Variants in LAMA2 observed in about 807,000 individuals in gnomAD.
LAMA2 encodes the protein laminin subunit alpha-2.
LAMA2 carries 269 observed loss-of-function variants against 364.8 expected under a neutral mutation model. The ratio of observed to expected loss-of-function variants is 0.74; its 90% CI spans 0.67 to 0.82. The LOEUF is 0.82. LAMA2 is among the 40% of genes least tolerant of loss of function. The pLI is 0.00. For synonymous variants in LAMA2, 1,379 were observed against 1,370.6 expected (o/e 1.01, Z -0.14); for missense variants, 3,807 against 3,873.2 (o/e 0.98, Z 0.45).
At chr6:129,107,556 T>G (rs918905756) in intron 4 of LAMA2, among the ~76,000 whole-genome samples, 9 of 152,068 alleles carry the variant, frequency 5.9e-5, no homozygotes, top group Admixed American at 2.6e-4. Flanking sequence ...AGGGTCTCAG[T>G]GCTAATGTAG....
At chr6:129,480,965 CAA>C (rs1784316425) in intron 54 of LAMA2, among the ~76,000 whole-genome samples, 1 of 129,418 alleles carries the variant, frequency 7.7e-6, no homozygotes, top group Non-Finnish European at 1.6e-5. Context: ...TAAACAACAA[CAA>C]CAAAAAAAGG....
intron 15 of LAMA2, among the ~76,000 whole-genome samples, chr6:129,264,616 C>T (rs1028454413): frequency 6.6e-6 from 1 of 152,040 alleles, no homozygotes; most frequent in Non-Finnish European, 1.5e-5. Context: ...CCAGCCCAAG[C>T]CCTGAGGAGC....
intron 17 of LAMA2, among the ~76,000 whole-genome samples, chr6:129,272,838 T>C (rs889056441): frequency 1.1e-4 from 16 of 152,140 alleles, no homozygotes; most frequent in African/African-American, 3.6e-4. Context: ...GGATCTAGCT[T>C]GTATGCTCCT....
At chr6:128,883,797 TATATACAC>T (rs1397573569) in intron 1 of LAMA2, among the ~76,000 whole-genome samples, 144 of 133,784 alleles carry the variant, frequency 1.1e-3, no homozygotes, top group African/African-American at 4.5e-3. Flanking sequence ...TATATATATA[TATATACAC>T]ACACACACAC....
chr6:129,214,098 A>G lies in LAMA2; in HGVS notation c.1782+21245A>G, dbSNP rs1405887680. Among the ~76,000 whole-genome samples, 6 of 152,170 alleles carry G rather than the reference A, an allele frequency of 3.9e-5. No individual in the cohort carries two copies. The East Asian group carries it at 9.6e-4, about 24-fold the overall frequency. Reference sequence around the variant, plus strand: ...TTATCTCAGTCAATTTTCTGTTGCTATAACAGAATACCTGAGACTAGGTAA... The same window carrying G: ...TTATCTCAGTCAATTTTCTGTTGCTGTAACAGAATACCTGAGACTAGGTAA... On this transcript the variant is annotated intron_variant, in intron 12 of 64. Transcript: ENST00000421865.
chr6:129,210,479 A>C (rs1344969483), intron 12 of LAMA2, among the ~76,000 whole-genome samples: 2 of 152,194 alleles, frequency 1.3e-5, no homozygotes, highest in Non-Finnish European at 2.9e-5. Context: ...AGCTATTTTT[A>C]AAGAAACAGG....
At chr6:129,342,276 G>C in intron 29 of LAMA2, 67 bp from the exon 30 acceptor site, 2 of 1,394,946 alleles carry the variant, frequency 1.4e-6, no homozygotes, top group Non-Finnish European at 2.0e-6. Flanking sequence ...GCTAGGGACT[G>C]TATGATAAAT....
chr6:129,263,081 T>C (rs952447911), intron 15 of LAMA2, among the ~76,000 whole-genome samples: 23 of 152,190 alleles, frequency 1.5e-4, no homozygotes, highest in Admixed American at 1.4e-3. Context: ...AAGAGTGTTA[T>C]GCAATCTCAG....
At chr6:129,348,597 G>A (rs1294523855) in intron 30 of LAMA2, among the ~76,000 whole-genome samples, 2 of 151,670 alleles carry the variant, frequency 1.3e-5, no homozygotes, top group Non-Finnish European at 2.9e-5. Context: ...CCAGGAGCAA[G>A]ACAGACTGGC....
intron 8 of LAMA2, among the ~76,000 whole-genome samples, chr6:129,163,606 C>A (rs1236572229): frequency 6.6e-6 from 1 of 152,144 alleles, no homozygotes; most frequent in Non-Finnish European, 1.5e-5. Context: ...GCACTTCAGC[C>A]TGGGCAAGAG....
intron 1 of LAMA2, among the ~76,000 whole-genome samples, chr6:128,984,266 TC>T (rs1224328514): frequency 6.6e-6 from 1 of 152,190 alleles, no homozygotes; most frequent in African/African-American, 2.4e-5. Flanking sequence ...AAATCTCATC[TC>T]TAGCTTCATG....
chr6:129,100,873 G>C (rs979393293), intron 4 of LAMA2, among the ~76,000 whole-genome samples: 2 of 152,168 alleles, frequency 1.3e-5, no homozygotes, highest in African/African-American at 4.8e-5. Flanking sequence ...TCAATGCCCA[G>C]ATTGTTCTAA....
intron 12 of LAMA2, among the ~76,000 whole-genome samples, chr6:129,211,289 G>A (rs1312175142): frequency 6.6e-6 from 1 of 152,128 alleles, no homozygotes; most frequent in Non-Finnish European, 1.5e-5. Context: ...ATGTGTCAGA[G>A]CAAAGCAACT....
In LAMA2 at chr6:129,044,535, T is replaced by C. The variant is rs114430385; in HGVS notation, c.113-5383T>C. Among the ~76,000 whole-genome samples, 1,254 of 151,240 alleles carry C rather than the reference T, an allele frequency of 8.3e-3. 25 individuals carry two copies. The highest frequency in any genetic ancestry group is 0.029 in the African/African-American group (1,185 of 41,294). On this transcript the variant is annotated intron_variant, in intron 1 of 64. Transcript: ENST00000421865. Reference sequence around the variant, plus strand: ...ATTTTCACATGATATACACTTAGCCTTTTTCTAGATATCCTATTACCATAT... The same window carrying C: ...ATTTTCACATGATATACACTTAGCCCTTTTCTAGATATCCTATTACCATAT...
chr6:128,996,532 C>T (rs145173934), intron 1 of LAMA2, among the ~76,000 whole-genome samples: 3,181 of 152,214 alleles, frequency 0.021, 112 homozygotes, highest in African/African-American at 0.072. Context: ...AAAAAGCTCA[C>T]CATCACTGGT....
At chr6:129,012,022 C>T (rs1326184893) in intron 1 of LAMA2, among the ~76,000 whole-genome samples, 1 of 152,100 alleles carries the variant, frequency 6.6e-6, no homozygotes, top group East Asian at 1.9e-4. Context: ...ATTCTTCACC[C>T]TTGTGTTCCT....
intron 51 of LAMA2, among the ~76,000 whole-genome samples, chr6:129,468,131 G>A (rs1261195727): frequency 6.6e-6 from 1 of 151,752 alleles, no homozygotes; most frequent in African/African-American, 2.4e-5. Context: ...AATGCACCAA[G>A]CAGTCATTCT....
chr6:129,442,841 C>A, intron 43 of LAMA2: 1 of 545,602 alleles, frequency 1.8e-6, no homozygotes, highest in Non-Finnish European at 3.2e-6. Flanking sequence ...CTTACTAAAA[C>A]ATAGAAATAA....
chr6:129,209,599 T>A (rs1782945835), intron 12 of LAMA2, among the ~76,000 whole-genome samples: 1 of 152,228 alleles, frequency 6.6e-6, no homozygotes, highest in Non-Finnish European at 1.5e-5. Context: ...GTTAAGGGGT[T>A]CAGCAAAACT....
Sources: gnomAD v4.1 joint callset for allele counts (sites outside exome capture counted in the v4.1 genomes callset) on GRCh38, gnomAD v4.1.1 for gene constraint, MANE v1.5 for transcripts, NCBI Gene and HGNC (gene_info 2026-07-23, HGNC 2026-07-21) for gene names.